The following CADPS2 variants were observed in gnomAD, a reference collection of about 807,000 sequenced individuals.
The protein encoded by CADPS2 is calcium dependent secretion activator 2.
Under a neutral mutation model 172.5 loss-of-function variants are expected in CADPS2, and 93 were observed. The ratio of observed to expected loss-of-function variants is 0.54; its 90% CI spans 0.46 to 0.64. CADPS2 has a LOEUF of 0.64. Among genes scored for constraint, CADPS2 ranks in the 30% least tolerant of loss-of-function variants. CADPS2 has a pLI of 0.00. For missense variants in CADPS2, 1,420 were observed against 1,565.9 expected (o/e 0.91, Z 1.57); for synonymous variants, 546 against 555.2 (o/e 0.98, Z 0.23).
Position 122,849,017 on chromosome 7 carries a change from C to T in CADPS2, c.339+36982G>A, listed in dbSNP as rs571549796. On this transcript the variant is annotated intron_variant, in intron 1 of 29. Transcript: ENST00000449022. Reference sequence around the variant, plus strand: ...CCAAAGTCCCAGGCAGGTTAATGAACAATTACTAAACCTTTCAATCTTCTG... The same window carrying T: ...CCAAAGTCCCAGGCAGGTTAATGAATAATTACTAAACCTTTCAATCTTCTG... Among the ~76,000 whole-genome samples, 9 of 152,278 alleles carry T rather than the reference C, an allele frequency of 5.9e-5. No individual in the cohort carries two copies. The East Asian group carries it at 1.7e-3, about 29-fold the overall frequency.
chr7:122,628,463 A>G (rs544984001), intron 4 of CADPS2, among the ~76,000 whole-genome samples: 1 of 152,062 alleles, frequency 6.6e-6, no homozygotes, highest in African/African-American at 2.4e-5. Context: ...GAGGGAGACT[A>G]TCCATCAAAT....
intron 22 of CADPS2, among the ~76,000 whole-genome samples, chr7:122,391,471 A>G (rs1486105619): frequency 6.6e-6 from 1 of 152,136 alleles, no homozygotes; most frequent in African/African-American, 2.4e-5. Context: ...CGTTAAATAG[A>G]TGAGAAATTA....
chr7:122,817,421 T>A (rs748745673), intron 1 of CADPS2, among the ~76,000 whole-genome samples: 2 of 152,158 alleles, frequency 1.3e-5, no homozygotes, highest in Non-Finnish European at 2.9e-5. Flanking sequence ...CTTCTCTTAA[T>A]TTCAATTCCT....
chr7:122,597,434 C>T (rs1388458899), intron 6 of CADPS2, among the ~76,000 whole-genome samples: 6 of 151,996 alleles, frequency 3.9e-5, no homozygotes, highest in Non-Finnish European at 8.8e-5. Context: ...ATGTTGAAAT[C>T]CCAACTCCCC....
intron 2 of CADPS2, among the ~76,000 whole-genome samples, chr7:122,683,697 C>G (rs565474949): frequency 6.6e-6 from 1 of 151,384 alleles, no homozygotes; most frequent in African/African-American, 2.4e-5. Flanking sequence ...TCAGCAAGTA[C>G]AGAAGGGCGG....
chr7:122,611,783 T>C lies in CADPS2; in HGVS notation c.1223+3398A>G, dbSNP rs901997840. On this transcript the variant is annotated intron_variant, in intron 6 of 29. Transcript: ENST00000449022. ...ACAAAAAAATTACAAGGACAATATC[T>C]CTTATGAATATAGAGGCCAAAAACT... Among the ~76,000 whole-genome samples, 2 of 152,004 alleles carry C rather than the reference T, an allele frequency of 1.3e-5. 1 individual carries two copies. The highest frequency in any genetic ancestry group is 4.1e-4 in the South Asian group (2 of 4,832).
At chr7:122,511,349 A>G (rs1022213989) in intron 9 of CADPS2, among the ~76,000 whole-genome samples, 3 of 152,178 alleles carry the variant, frequency 2.0e-5, no homozygotes, top group Admixed American at 2.0e-4. Flanking sequence ...GAGTCTTACA[A>G]TCATATGCTA....
At chr7:122,703,451 G>A (rs554745450) in intron 2 of CADPS2, among the ~76,000 whole-genome samples, 1 of 152,196 alleles carries the variant, frequency 6.6e-6, no homozygotes, top group South Asian at 2.1e-4. Flanking sequence ...CACATTAAAT[G>A]CCTATCCCAC....
intron 1 of CADPS2, among the ~76,000 whole-genome samples, chr7:122,750,674 T>C (rs2092914571): frequency 6.6e-6 from 1 of 152,154 alleles, no homozygotes; most frequent in African/African-American, 2.4e-5. Context: ...ACATGTGTGA[T>C]CATTTTTAAA....
intron 8 of CADPS2, among the ~76,000 whole-genome samples, chr7:122,552,847 AAC>A (rs1246310522): frequency 1.3e-5 from 2 of 151,778 alleles, no homozygotes; most frequent in African/African-American, 4.8e-5. Context: ...AGGGTAGAGA[AAC>A]AACTGCAGTT....
chr7:122,368,886 T>C (rs1435135430), intron 25 of CADPS2, among the ~76,000 whole-genome samples: 1 of 151,976 alleles, frequency 6.6e-6, no homozygotes, highest in East Asian at 1.9e-4. Context: ...AAAAACCCAA[T>C]ACCCCCACTT....
chr7:122,691,201 C>A (rs2084311597), intron 2 of CADPS2, among the ~76,000 whole-genome samples: 1 of 152,100 alleles, frequency 6.6e-6, no homozygotes, highest in Non-Finnish European at 1.5e-5. Flanking sequence ...ACGACTGTAA[C>A]CCATTCTGCC....
chr7:122,606,606 A>G (rs1352900117), intron 6 of CADPS2, among the ~76,000 whole-genome samples: 3 of 152,106 alleles, frequency 2.0e-5, no homozygotes, highest in Non-Finnish European at 2.9e-5. Flanking sequence ...CTTTCTACCA[A>G]TCTGGGCAGA....
chr7:122,350,679 G>A (rs2038411687), intron 27 of CADPS2, among the ~76,000 whole-genome samples: 1 of 152,106 alleles, frequency 6.6e-6, no homozygotes, highest in African/African-American at 2.4e-5. Context: ...AATATGATGG[G>A]AAGAGAAACA....
intron 1 of CADPS2, among the ~76,000 whole-genome samples, chr7:122,862,704 T>C (rs994110643): frequency 1.3e-5 from 2 of 152,040 alleles, no homozygotes; most frequent in South Asian, 2.1e-4. Context: ...AACTCAATAA[T>C]GATCAATAAG....
intron 8 of CADPS2, among the ~76,000 whole-genome samples, chr7:122,528,581 T>C (rs2061480504): frequency 6.6e-6 from 1 of 152,138 alleles, no homozygotes; most frequent in Non-Finnish European, 1.5e-5. Context: ...GCAGTAAGGA[T>C]GGACTACATA....
intron 2 of CADPS2, chr7:122,698,395 G>T (rs1011253204): frequency 1.2e-6 from 2 of 1,613,746 alleles, no homozygotes; most frequent in African/African-American, 2.7e-5. Flanking sequence ...CTCAACCACG[G>T]CTGTAATGAG....
intron 2 of CADPS2, among the ~76,000 whole-genome samples, chr7:122,729,676 GT>G (rs56993717): frequency 0.55 from 51,585 of 94,140 alleles, 11,519 homozygotes; most frequent in South Asian, 0.64. Context: ...ATTTTTAACG[GT>G]TTTTTTTTTT....
intron 3 of CADPS2, among the ~76,000 whole-genome samples, chr7:122,654,828 C>A (rs1284351720): frequency 6.6e-6 from 1 of 152,106 alleles, no homozygotes; most frequent in Non-Finnish European, 1.5e-5. Context: ...TGGATTAGAG[C>A]AAAGTAAATG....
Sources: allele counts gnomAD v4.1 joint callset (sites outside exome capture counted in the v4.1 genomes callset), GRCh38; gene constraint gnomAD v4.1.1; transcripts MANE v1.5; gene names NCBI Gene and HGNC (gene_info 2026-07-23, HGNC 2026-07-21).